Variants in HECW1 observed in about 807,000 individuals in gnomAD.
HECW1 encodes the protein HECT, C2 and WW domain containing E3 ubiquitin protein ligase 1, also known as E3 ubiquitin-protein ligase HECW1.
In HECW1, 61 loss-of-function variants were observed where a neutral mutation model predicts 182.3. The observed-to-expected ratio is 0.33, with a 90% CI of 0.27 to 0.41. The LOEUF (loss-of-function observed/expected upper bound fraction) is 0.41, where lower values mean the gene tolerates loss of function less well. Among genes scored for constraint, HECW1 ranks in the 10% least tolerant of loss-of-function variants. HECW1 has a pLI of 1.00. For synonymous variants in HECW1, 859 were observed against 832.6 expected (o/e 1.03, Z -0.55); for missense variants, 1,739 against 2,108.9 (o/e 0.82, Z 3.44).
chr7:43,416,906 C>T (rs1350469296), intron 8 of HECW1, among the ~76,000 whole-genome samples: 2 of 152,078 alleles, frequency 1.3e-5, no homozygotes, highest in African/African-American at 4.8e-5. Flanking sequence ...TGTGCGCACC[C>T]ACTGGCCTGC....
At chr7:43,528,319 G>A (rs2080844183) in intron 24 of HECW1, among the ~76,000 whole-genome samples, 1 of 152,148 alleles carries the variant, frequency 6.6e-6, no homozygotes, top group Non-Finnish European at 1.5e-5. Context: ...TCTAGATACG[G>A]GAGGAAATCA....
rs983295936 is a variant in HECW1 at position 43,519,662 on chromosome 7, A to T, written c.4019+10541A>T. ...CAATGCAAATGTCCATCGGCAGGGG[A>T]ATGGTTAAATGTATTACAGCAGATC... is the stretch of plus-strand genomic sequence containing the variant. On this transcript the variant is annotated intron_variant, in intron 24 of 29. Transcript: ENST00000395891. Among the ~76,000 whole-genome samples the T allele has an allele frequency of 1.3e-4, 19 of 151,812 alleles. 1 individual carries two copies. The highest frequency in any genetic ancestry group is 8.5e-4 in the Admixed American group (13 of 15,242).
At chr7:43,210,067 C>T (rs529596470) in intron 2 of HECW1, among the ~76,000 whole-genome samples, 4 of 152,282 alleles carry the variant, frequency 2.6e-5, no homozygotes, top group African/African-American at 9.6e-5. Flanking sequence ...TTTAAGTCAA[C>T]AGCCGGGGAC....
chr7:43,459,994 T>C (rs773877627), intron 13 of HECW1, among the ~76,000 whole-genome samples: 1 of 152,372 alleles, frequency 6.6e-6, no homozygotes, highest in South Asian at 2.1e-4. Flanking sequence ...CAGGTTAACA[T>C]GTAATTGCTT....
chr7:43,215,442 T>C (rs558892054), intron 2 of HECW1, among the ~76,000 whole-genome samples: 1 of 152,382 alleles, frequency 6.6e-6, no homozygotes, highest in South Asian at 2.1e-4. Context: ...ATTTTATTTG[T>C]ATTCCTTTTG....
intron 2 of HECW1, among the ~76,000 whole-genome samples, chr7:43,222,874 C>T (rs1797103395): frequency 6.6e-6 from 1 of 152,162 alleles, no homozygotes; most frequent in African/African-American, 2.4e-5. Context: ...GTCATCCCAT[C>T]CCATCTTATG....
chr7:43,562,495 C>T lies in HECW1; in HGVS notation c.*569C>T, dbSNP rs1234776754. ...AGCTGAAATTTTTATACATTCAACT[C>T]ATGATTCACATGTGGCATCAGTCCC... On this transcript the variant is annotated 3_prime_UTR_variant, in exon 30 of 30. Coordinates refer to ENST00000395891, the MANE Select transcript of HECW1 (RefSeq NM_015052.5). 3 of 227,870 alleles carry T rather than the reference C, an allele frequency of 1.3e-5. No homozygotes were observed. The Admixed American group carries it at 1.7e-4, about 13-fold the overall frequency. 14.1% of individuals were successfully genotyped at this position (227,870 alleles called of 1,614,324 possible).
At chr7:43,187,119 G>A (rs1793484360) in intron 2 of HECW1, among the ~76,000 whole-genome samples, 1 of 152,190 alleles carries the variant, frequency 6.6e-6, no homozygotes, top group Admixed American at 6.5e-5. Context: ...GCTCCTATGA[G>A]GACTCACCAC....
At chr7:43,287,287 G>T (rs905610772) in intron 3 of HECW1, among the ~76,000 whole-genome samples, 9 of 152,112 alleles carry the variant, frequency 5.9e-5, no homozygotes, top group African/African-American at 9.7e-5. Context: ...GAGGCCTGAT[G>T]AAGGGAGAGC....
chr7:43,521,049 C>A (rs1182265756), intron 24 of HECW1, among the ~76,000 whole-genome samples: 1 of 152,194 alleles, frequency 6.6e-6, no homozygotes, highest in Non-Finnish European at 1.5e-5. Context: ...CTCAGTAGAA[C>A]CTGGGCAGCT....
rs750772022 is a variant in HECW1 at position 43,554,642 on chromosome 7, C to T, written c.4561C>T (p.Arg1521Cys). The change falls in exon 29 of 30, where the codon CGC (arginine) becomes TGC (cysteine). Residue 1521 changes from arginine (R) to cysteine (C), a missense_variant. Transcript: ENST00000395891. ...VIRWFWAAVE[R>C]FNNEQRLRLL... ...CCGCTGGTTCTGGGCTGCGGTGGAG[C>T]GCTTCAATAATGAGCAGAGGCTGAG... is the stretch of plus-strand genomic sequence containing the variant. 2.7e-5 allele frequency: 43 copies of T among 1,613,682 alleles called. No homozygotes were observed. The highest frequency in any genetic ancestry group is 3.6e-5 in the Non-Finnish European group (42 of 1,179,890).
chr7:43,213,490 G>A (rs1334725315), intron 2 of HECW1, among the ~76,000 whole-genome samples: 1 of 145,842 alleles, frequency 6.9e-6, no homozygotes, highest in Non-Finnish European at 1.5e-5. Context: ...CTGTCGCCCA[G>A]GCTGGAGTGT....
intron 6 of HECW1, among the ~76,000 whole-genome samples, chr7:43,375,420 C>T (rs895557252): frequency 3.3e-5 from 5 of 151,984 alleles, no homozygotes; most frequent in East Asian, 1.9e-4. Context: ...TTCAGGATTG[C>T]GAAAATTGTG....
chr7:43,180,788 C>T (rs1341589955), intron 2 of HECW1, among the ~76,000 whole-genome samples: 2 of 152,156 alleles, frequency 1.3e-5, no homozygotes, highest in Non-Finnish European at 2.9e-5. Context: ...GTTTAATGAA[C>T]AAATCAGGGT....
chr7:43,445,675 G>T, intron 11 of HECW1, 105 bp downstream of exon 11: 2 of 1,376,620 alleles, frequency 1.5e-6, no homozygotes, highest in Non-Finnish European at 9.7e-7. Flanking sequence ...GTCAAACGGG[G>T]TTGCTGGGGC....
intron 5 of HECW1, among the ~76,000 whole-genome samples, chr7:43,321,233 G>A (rs1810077178): frequency 6.6e-6 from 1 of 152,196 alleles, no homozygotes; most frequent in Non-Finnish European, 1.5e-5. Context: ...CCGGAGGGCT[G>A]TGAGACATTG....
chr7:43,195,795 T>C (rs1667560635), intron 2 of HECW1, among the ~76,000 whole-genome samples: 1 of 152,206 alleles, frequency 6.6e-6, no homozygotes, highest in Non-Finnish European at 1.5e-5. Flanking sequence ...CTGCTACCTT[T>C]ATGGATTTCT....
intron 5 of HECW1, among the ~76,000 whole-genome samples, chr7:43,349,788 T>C (rs1814169376): frequency 6.6e-6 from 1 of 152,212 alleles, no homozygotes; most frequent in Non-Finnish European, 1.5e-5. Context: ...AGTTGGTTGG[T>C]GAGTTATCCA....
chr7:43,374,773 C>CAAAAAA (rs66910107), intron 6 of HECW1, among the ~76,000 whole-genome samples: 1 of 14,502 alleles, frequency 6.9e-5, no homozygotes, highest in Non-Finnish European at 9.1e-5. Context: ...GACTCCGTCT[C>CAAAAAA]AAAAAAAAAA....
Sources: allele counts gnomAD v4.1 joint callset (sites outside exome capture counted in the v4.1 genomes callset), GRCh38; gene constraint gnomAD v4.1.1; transcripts MANE v1.5; gene names NCBI Gene and HGNC (gene_info 2026-07-23, HGNC 2026-07-21).